KLRF2: variants seen among roughly 807,000 people sequenced by gnomAD.
KLRF2 encodes killer cell lectin-like receptor subfamily F member 2.
In KLRF2, 28 loss-of-function variants were observed where a neutral mutation model predicts 25.3. The observed-to-expected ratio is 1.11, with a 90% CI of 0.82 to 1.52. The LOEUF is 1.52. Among genes scored for constraint, KLRF2 ranks in the 40% most tolerant of loss-of-function variants. The pLI is 0.00. For synonymous variants in KLRF2, 73 were observed against 85.0 expected, an observed-to-expected ratio of 0.86 and a Z score of 0.78; for missense variants, 265 against 245.8, an observed-to-expected ratio of 1.08 and a Z score of -0.52.
intron 5 of KLRF2, among the ~76,000 whole-genome samples, chr12:9,895,277 AATAG>A (rs1418090280): frequency 6.6e-6 from 1 of 152,246 alleles, no homozygotes; most frequent in African/African-American, 2.4e-5. Context: ...GTGGAGAATT[AATAG>A]ATAGGAAACA....
At chr12:9,887,889 T>TA (rs964946183) in intron 2 of KLRF2, among the ~76,000 whole-genome samples, 26 of 150,958 alleles carry the variant, frequency 1.7e-4, no homozygotes, top group Non-Finnish European at 2.7e-4. Context: ...CCGTCCCTAA[T>TA]AAAAAAATAC....
Position 9,886,781 on chromosome 12 carries a change from A to G in KLRF2, c.169+1749A>G, listed in dbSNP as rs796799452. Among the ~76,000 whole-genome samples, 27 of 145,170 alleles carry G rather than the reference A, an allele frequency of 1.9e-4. 1 individual carries two copies. The highest frequency in any genetic ancestry group is 1.6e-3 in the East Asian group (8 of 5,160). The stretch of plus-strand genomic sequence containing the variant: ...TATCATGCAAAAAAAAAAAAAAAAA[A>G]AGAGAGAAGAACTCTCTAAAACAGT... On this transcript the variant is annotated intron_variant, in intron 2 of 5. Coordinates refer to ENST00000535540, the MANE Select transcript of KLRF2 (RefSeq NM_001190765.1).
chr12:9,888,706 C>G, intron 2 of KLRF2, 27 bp from the exon 3 acceptor site: 1 of 1,339,178 alleles, frequency 7.5e-7, no homozygotes. Flanking sequence ...AAATGTTTCT[C>G]ATATCTTTTC....
Position 9,893,150 on chromosome 12 carries a change from T to C in KLRF2, c.348T>C (p.Ile116=). The change falls in exon 4 of 6, where the codon ATT becomes ATC. Residue 116 remains isoleucine (I), a synonymous_variant. Coordinates refer to ENST00000535540, the MANE Select transcript of KLRF2 (RefSeq NM_001190765.1). ...AGCTACAGGCACATTTACTGGTGAT[T>C]CAAAATTTGGATGAGCTGGTGAGAA... ...CTQLQAHLLV[I]QNLDELEFIQ... 1 of 1,532,676 alleles carries C rather than the reference T, an allele frequency of 6.5e-7. No homozygotes were observed. Among genetic ancestry groups the C allele is most frequent in the Non-Finnish European group, 8.7e-7 (1 of 1,144,876 alleles). 94.9% of individuals were successfully genotyped at this position (1,532,676 alleles called of 1,614,324 possible).
Position 9,881,617 on chromosome 12 carries a change from A to G in KLRF2, c.22A>G (p.Met8Val), listed in dbSNP as rs1353113165. 9 of 1,535,206 alleles carry G rather than the reference A, an allele frequency of 5.9e-6. No homozygotes were observed. The highest frequency in any genetic ancestry group is 1.2e-5 in the South Asian group (1 of 84,060). The change falls in exon 1 of 6, where the codon ATG (methionine) becomes GTG (valine). Residue 8 changes from methionine to valine, a missense_variant. Physicochemically the swap from Met to Val is conservative, Grantham distance 21. Coordinates refer to ENST00000535540, the MANE Select transcript of KLRF2 (RefSeq NM_001190765.1). ...AGAGATGGAGAATGAAGATGGGTATATGACGCTGAGTTTCAAGAATCGTTG... is the reference window on the plus strand; with the variant it reads ...AGAGATGGAGAATGAAGATGGGTATGTGACGCTGAGTTTCAAGAATCGTTG... MENEDGYMTLSFKNRCKS... is the reference protein window; with the variant it reads MENEDGYVTLSFKNRCKS...
In KLRF2 at chr12:9,893,068, G is replaced by A. The variant is rs570178799; in HGVS notation, c.266G>A (p.Cys89Tyr). ...PNDWLLNEGK[C>Y]YWFSTSFKTW... ...GACTGGCTGTTGAACGAAGGGAAATGTTACTGGTTTTCAACTTCTTTTAAA... is the reference window on the plus strand; with the variant it reads ...GACTGGCTGTTGAACGAAGGGAAATATTACTGGTTTTCAACTTCTTTTAAA... Residue 89 changes from cysteine to tyrosine, a missense_variant, in exon 4 of 6, where the codon TGT becomes TAT. Cys to Tyr is a radical substitution (Grantham distance 194). Transcript: ENST00000535540. The A allele has an allele frequency of 1.3e-6, 2 of 1,535,800 alleles. No homozygotes were observed. The highest frequency in any genetic ancestry group is 2.4e-5 in the East Asian group (1 of 40,906).
In KLRF2 at chr12:9,884,923, C is replaced by T. The variant is rs1418213060; in HGVS notation, c.71-11C>T. 3 of 958,002 alleles carry T rather than the reference C, an allele frequency of 3.1e-6. No homozygotes were observed. Among genetic ancestry groups the T allele is most frequent in the African/African-American group, 1.7e-5 (1 of 58,508 alleles). 59.3% of individuals were successfully genotyped at this position (958,002 alleles called of 1,614,324 possible). A position where few individuals can be genotyped will look rare whatever the true frequency, so the allele number is the denominator to read the frequency against. On this transcript the variant is annotated splice_polypyrimidine_tract_variant and intron_variant, in intron 1 of 5. Transcript: ENST00000535540. ...GAATAATCACAAGAATTCTAAAATT[C>T]AACATTTCAGATTTCTCCCTATATC...
intron 3 of KLRF2, 122 bp from the exon 4 acceptor site, chr12:9,892,898 T>C (rs1862697203): frequency 1.2e-6 from 1 of 809,102 alleles, no homozygotes; most frequent in African/African-American, 2.5e-5. Flanking sequence ...CTCCTTTTTA[T>C]TGACCAAAAA....
chr12:9,887,484 G>C (rs1169116548), intron 2 of KLRF2, among the ~76,000 whole-genome samples: 1 of 152,162 alleles, frequency 6.6e-6, no homozygotes, highest in African/African-American at 2.4e-5. Context: ...TTTGAAACAA[G>C]AGTAATCAAG....
intron 1 of KLRF2, among the ~76,000 whole-genome samples, chr12:9,884,032 C>A (rs1757930717): frequency 6.6e-6 from 1 of 152,072 alleles, no homozygotes; most frequent in Non-Finnish European, 1.5e-5. Flanking sequence ...GCCTGGCAAA[C>A]TGACTAAAAT....
At chr12:9,888,414 T>C (rs953463700) in intron 2 of KLRF2, among the ~76,000 whole-genome samples, 1 of 151,608 alleles carries the variant, frequency 6.6e-6, no homozygotes, top group Non-Finnish European at 1.5e-5. Flanking sequence ...GGCGAGAACC[T>C]GGGAGTCGGA....
Position 9,893,511 on chromosome 12 carries a change from G to A in KLRF2, c.449G>A (p.Trp150Ter). ...ACATTCCAAGGGAACCTATGGATGT[G>A]GATAGATGAACACTTTTTAGTTCCA... ...YVTFQGNLWM[W>*]IDEHFLVPEL... is the part of the protein sequence containing the mutation. Residue 150 changes from tryptophan to a stop codon, truncating the protein, a stop_gained, in exon 5 of 6, where the codon TGG (tryptophan) becomes TAG (stop). Transcript: ENST00000535540. LOFTEE classifies it low-confidence loss of function (END_TRUNC). 2 of 1,509,576 alleles carry A rather than the reference G, an allele frequency of 1.3e-6. No individual in the cohort carries two copies. The highest frequency in any genetic ancestry group is 1.8e-6 in the Non-Finnish European group (2 of 1,125,966). 93.5% of individuals were successfully genotyped at this position (1,509,576 alleles called of 1,614,324 possible). A position where few individuals can be genotyped will look rare whatever the true frequency, so the allele number is the denominator to read the frequency against.
chr12:9,893,579 A>T (rs1035301586), intron 5 of KLRF2, 38 bp downstream of exon 5: 5 of 753,324 alleles, frequency 6.6e-6, no homozygotes, highest in Non-Finnish European at 1.0e-5. Flanking sequence ...GCTAATGTTT[A>T]TAGAATTATT....
At chr12:9,888,707 A>G (rs960238715) in intron 2 of KLRF2, 26 bp from the exon 3 acceptor site, 4 of 1,351,388 alleles carry the variant, frequency 3.0e-6, no homozygotes, top group Non-Finnish European at 4.1e-6. Context: ...AATGTTTCTC[A>G]TATCTTTTCT....
chr12:9,882,403 T>C (rs1868104047), intron 1 of KLRF2, among the ~76,000 whole-genome samples: 2 of 152,196 alleles, frequency 1.3e-5, no homozygotes, highest in Admixed American at 1.3e-4. Context: ...TTTTTTGTGT[T>C]TCAATATCAT....
chr12:9,888,672 G>C, intron 2 of KLRF2, 61 bp from the exon 3 acceptor site: 6 of 947,474 alleles, frequency 6.3e-6, no homozygotes, highest in Non-Finnish European at 9.8e-6. Flanking sequence ...TTATTCTCAT[G>C]TACCTAGATT....
At chr12:9,881,765 T>C (rs1276037648) in intron 1 of KLRF2, 100 bp downstream of exon 1, 8 of 848,806 alleles carry the variant, frequency 9.4e-6, no homozygotes, top group Non-Finnish European at 1.1e-5. Flanking sequence ...TTGATCATAA[T>C]AAGGAATATA....
At chr12:9,888,463 CT>C (rs1862629562) in intron 2 of KLRF2, among the ~76,000 whole-genome samples, 1 of 151,276 alleles carries the variant, frequency 6.6e-6, no homozygotes, top group South Asian at 2.1e-4. Context: ...GCACTGCAGC[CT>C]GGGCAACAGA....
In KLRF2 at chr12:9,893,488, A is replaced by T. The variant is rs931819756; in HGVS notation, c.426A>T (p.Thr142=). 6.6e-7 allele frequency: 1 copy of T among 1,525,132 alleles called. No homozygotes were observed. Among genetic ancestry groups the T allele is most frequent in the East Asian group, 2.5e-5 (1 of 40,738 alleles). 94.5% of individuals were successfully genotyped at this position (1,525,132 alleles called of 1,614,324 possible). The change falls in exon 5 of 6, where the codon ACA becomes ACT. Residue 142 remains threonine (T), a synonymous_variant. Coordinates refer to ENST00000535540, the MANE Select transcript of KLRF2 (RefSeq NM_001190765.1). ...TTGGTTGGATTGGACTATATGTTAC[A>T]TTCCAAGGGAACCTATGGATGTGGA... ...GHFGWIGLYV[T]FQGNLWMWID...
Sources: allele counts gnomAD v4.1 joint callset (sites outside exome capture counted in the v4.1 genomes callset), GRCh38; gene constraint gnomAD v4.1.1; transcripts MANE v1.5; gene names NCBI Gene and HGNC (gene_info 2026-07-23, HGNC 2026-07-21).